The following LAMC3 variants were observed in gnomAD, a reference collection of about 807,000 sequenced individuals.
LAMC3 encodes laminin subunit gamma 3.
A neutral mutation model predicts 173.8 loss-of-function variants in LAMC3; 128 were observed. That is an observed-to-expected ratio of 0.74 (90% CI 0.64 to 0.85). The LOEUF is 0.85. Among genes scored for constraint, LAMC3 ranks in the 40% least tolerant of loss-of-function variants. The probability of loss-of-function intolerance (pLI) is 0.00; values close to 1 mark genes in which losing one functional copy is unlikely to be tolerated. For synonymous variants in LAMC3, 897 were observed against 909.1 expected, an observed-to-expected ratio of 0.99 and a Z score of 0.24; for missense variants, 2,022 against 2,156.0, an observed-to-expected ratio of 0.94 and a Z score of 1.23.
rs75148066 is a variant in LAMC3 at position 131,039,963 on chromosome 9, T to C, written c.1283+715T>C. ...ATCACTTGATTGAGAAAGTATACAA[T>C]GGCCAAAAAACAAAAACAAAACAAA... On this transcript the variant is annotated intron_variant, in intron 6 of 27. Transcript: ENST00000361069. Among the ~76,000 whole-genome samples the C allele has an allele frequency of 7.5e-3, 1,114 of 149,362 alleles. 11 individuals are homozygous for C. The highest frequency in any genetic ancestry group is 9.6e-3 in the Non-Finnish European group (652 of 67,650).
At position 131,045,596 on chromosome 9, in the gene LAMC3, C is replaced by T. The variant is rs1183637787; in HGVS notation, c.1455C>T (p.His485=). Residue 485 remains histidine (H), a synonymous_variant, in exon 8 of 28, where the codon CAC becomes CAT. Coordinates refer to ENST00000361069, the MANE Select transcript of LAMC3 (RefSeq NM_006059.4). ...AGCSSCFCYG[H]SKVCASTAQF... is the part of the protein sequence containing the mutation. Reference sequence around the variant, plus strand: ...GCAGCAGCTGTTTCTGCTATGGCCACTCCAAGGTGTGCGCGTCCACTGCCC... The same window carrying T: ...GCAGCAGCTGTTTCTGCTATGGCCATTCCAAGGTGTGCGCGTCCACTGCCC... 3 of 1,614,182 alleles carry T rather than the reference C, an allele frequency of 1.9e-6. No individual in the cohort carries two copies. Among genetic ancestry groups the T allele is most frequent in the Middle Eastern group, 1.6e-4 (1 of 6,062 alleles).
At chr9:131,015,568 C>CCTTGA (rs1368166983) in intron 1 of LAMC3, among the ~76,000 whole-genome samples, 1 of 152,246 alleles carries the variant, frequency 6.6e-6, no homozygotes, top group East Asian at 1.9e-4. Context: ...TGAGCAGCCG[C>CCTTGA]CTTGACACCA....
chr9:131,022,457 C>T (rs1407231759), intron 1 of LAMC3, among the ~76,000 whole-genome samples: 1 of 152,176 alleles, frequency 6.6e-6, no homozygotes, highest in East Asian at 1.9e-4. Flanking sequence ...ATACAATTCA[C>T]ATACCGTATA....
In LAMC3 at chr9:131,063,660, C is replaced by G. The variant is rs371640545; in HGVS notation, c.2347+2437C>G. On this transcript the variant is annotated intron_variant, in intron 13 of 27. Coordinates refer to ENST00000361069, the MANE Select transcript of LAMC3 (RefSeq NM_006059.4). ...CCTGCCATCCTGGCCCCTTGCAGCC[C>G]CTCCCAGGACTTCCAGAGCTGCCTC... 5.9e-5 allele frequency among the ~76,000 whole-genome samples: 9 copies of G among 152,296 alleles called. No individual in the cohort carries two copies. In the East Asian group the frequency reaches 1.4e-3, roughly 23 times the overall value.
At chr9:131,013,966 T>G (rs1254481573) in intron 1 of LAMC3, among the ~76,000 whole-genome samples, 3 of 152,226 alleles carry the variant, frequency 2.0e-5, no homozygotes, top group Non-Finnish European at 4.4e-5. Context: ...AAGTCCTCCC[T>G]CCTGCTCCCT....
chr9:131,064,479 C>T (rs1008992365), intron 13 of LAMC3, among the ~76,000 whole-genome samples: 68 of 149,960 alleles, frequency 4.5e-4, no homozygotes, highest in African/African-American at 1.6e-3. Context: ...CTGGCTAACA[C>T]GGTGAAACCC....
At chr9:131,068,308 G>A in intron 15 of LAMC3, 77 bp downstream of exon 15, 2 of 1,484,074 alleles carry the variant, frequency 1.3e-6, no homozygotes, top group Middle Eastern at 2.3e-4. Flanking sequence ...CCCAGGGAGG[G>A]GCCTGGTTTG....
At chr9:131,022,736 T>C (rs1331251143) in intron 1 of LAMC3, among the ~76,000 whole-genome samples, 2 of 151,820 alleles carry the variant, frequency 1.3e-5, no homozygotes, top group Admixed American at 1.3e-4. Context: ...TTTAATTTGT[T>C]CTTATTTATT....
At chr9:131,048,149 C>T (rs1408787414) in intron 8 of LAMC3, among the ~76,000 whole-genome samples, 1 of 145,802 alleles carries the variant, frequency 6.9e-6, no homozygotes, top group Non-Finnish European at 1.5e-5. Context: ...CTCCGCCTCT[C>T]GGGTTCAGGC....
At chr9:131,086,919 C>T (rs1191670039) in intron 25 of LAMC3, among the ~76,000 whole-genome samples, 2 of 151,634 alleles carry the variant, frequency 1.3e-5, no homozygotes, top group Admixed American at 6.6e-5. Flanking sequence ...AGATTGGGGT[C>T]TCACTATGTT....
chr9:131,082,732 G>T (rs1296112440), intron 24 of LAMC3, among the ~76,000 whole-genome samples: 1 of 152,218 alleles, frequency 6.6e-6, no homozygotes, highest in Non-Finnish European at 1.5e-5. Context: ...TACCCAATTT[G>T]CTCCAGAGAG....
At position 131,072,733 on chromosome 9, in the gene LAMC3, G is replaced by A; in HGVS notation, c.3315G>A (p.Gln1105=). Residue 1105 remains glutamine, a synonymous_variant, in exon 19 of 28, where the codon CAG becomes CAA. Coordinates refer to ENST00000361069, the MANE Select transcript of LAMC3 (RefSeq NM_006059.4). The part of the protein sequence containing the change: ...QRLNKGARCA[Q]AGSQKTCTQL... ...TGAACAAGGGTGCCCGCTGTGCCCA[G>A]GCCGGATCCCAGAAGACCTGCACCC... 6.2e-7 allele frequency: 1 copy of A among 1,612,920 alleles called. No individual in the cohort carries two copies. The highest frequency in any genetic ancestry group is 1.3e-5 in the African/African-American group (1 of 75,024).
rs936415527 is a variant in LAMC3 at position 131,093,204 on chromosome 9, G to C, written c.*1417G>C. 6.6e-6 allele frequency: 1 copy of C among 152,422 alleles called. No homozygotes were observed. Among genetic ancestry groups the C allele is most frequent in the African/African-American group, 2.4e-5 (1 of 41,456 alleles). The allele number at this position is 152,422 out of a possible 1,614,324, so 9.4% of individuals were successfully genotyped here. A position where few individuals can be genotyped will look rare whatever the true frequency, so the allele number is the denominator to read the frequency against. On this transcript the variant is annotated 3_prime_UTR_variant, in exon 28 of 28. Coordinates refer to ENST00000361069, the MANE Select transcript of LAMC3 (RefSeq NM_006059.4). ...AAAAGCCGAGCTCGTGGCTGGGCCA[G>C]TACCTCCCATTAGAGGGCTTTGCTG...
rs138199679 is a variant in LAMC3 at position 131,061,167 on chromosome 9, C to T, written c.2291C>T (p.Thr764Met). The T allele has an allele frequency of 9.9e-6, 16 of 1,612,380 alleles. No homozygotes were observed. The highest frequency in any genetic ancestry group is 2.7e-5 in the African/African-American group (2 of 74,922). ...PCPCPGQSAC[T>M]TIPESREVVC... ...CCCTGCCCTGGCCAGTCGGCCTGTA[C>T]GACCATCCCAGAGAGCCGGGAGGTG... Residue 764 changes from threonine (T) to methionine (M), a missense_variant, in exon 13 of 28, where the codon ACG becomes ATG. Coordinates refer to ENST00000361069, the MANE Select transcript of LAMC3 (RefSeq NM_006059.4).
intron 22 of LAMC3, among the ~76,000 whole-genome samples, chr9:131,077,815 A>G (rs757410243): frequency 1.3e-5 from 2 of 150,650 alleles, no homozygotes; most frequent in Non-Finnish European, 2.9e-5. Context: ...TAACCTACCT[A>G]TGGGGCTTGG....
chr9:131,056,676 G>T (rs764692745), intron 11 of LAMC3, among the ~76,000 whole-genome samples: 1 of 152,038 alleles, frequency 6.6e-6, no homozygotes, highest in Non-Finnish European at 1.5e-5. Flanking sequence ...GCCTGTAGTC[G>T]CAGCTACTTG....
chr9:131,059,877 C>G (rs976720521), intron 12 of LAMC3, among the ~76,000 whole-genome samples: 1 of 152,224 alleles, frequency 6.6e-6, no homozygotes. Context: ...GATGCCAGCC[C>G]TGCTATGCAT....
intron 13 of LAMC3, among the ~76,000 whole-genome samples, chr9:131,063,963 G>A (rs553531807): frequency 2.0e-5 from 3 of 152,002 alleles, no homozygotes; most frequent in South Asian, 2.1e-4. Context: ...GCTGGAGTGC[G>A]GTGGCATGAT....
At chr9:131,071,790 A>C (rs1830040445) in intron 18 of LAMC3, among the ~76,000 whole-genome samples, 165 bp downstream of exon 18, 1 of 152,064 alleles carries the variant, frequency 6.6e-6, no homozygotes, top group Non-Finnish European at 1.5e-5. Context: ...AGTCCTTGTC[A>C]CCATGCCTCT....
Sources: gnomAD v4.1 joint callset for allele counts (sites outside exome capture counted in the v4.1 genomes callset) on GRCh38, gnomAD v4.1.1 for gene constraint, MANE v1.5 for transcripts, NCBI Gene and HGNC (gene_info 2026-07-23, HGNC 2026-07-21) for gene names.